The following RFX2 variants were observed in gnomAD, a reference collection of about 807,000 sequenced individuals.
RFX2 encodes DNA-binding protein RFX2.
A neutral mutation model predicts 87.8 loss-of-function variants in RFX2; 20 were observed. The observed-to-expected ratio is 0.23, with a 90% CI of 0.16 to 0.33. The LOEUF is 0.33. Ranked by LOEUF, RFX2 falls within the 10% of genes least tolerant of loss-of-function variation. The probability of loss-of-function intolerance (pLI) is 1.00; values close to 1 mark genes in which losing one functional copy is unlikely to be tolerated. For missense variants in RFX2, 767 were observed against 1,012.3 expected (o/e 0.76, Z 3.29); for synonymous variants, 397 against 431.3 (o/e 0.92, Z 0.98).
chr19:6,040,760 T>TA lies in RFX2; in HGVS notation c.261-520dup, dbSNP rs755743443. 3.3e-5 allele frequency among the ~76,000 whole-genome samples: 5 copies of TA among 151,742 alleles called. No homozygotes were observed. The highest frequency in any genetic ancestry group is 6.6e-5 in the Admixed American group (1 of 15,246). ...GGCAACAGAGCAAGACCCTATCTCT[T>TA]AAAAAAAATAAATACAAATAAAACT... On this transcript the variant is annotated intron_variant, in intron 4 of 17. Coordinates refer to ENST00000303657, the MANE Select transcript of RFX2 (RefSeq NM_000635.4). This position sits in a 1 kb window ranked among gnomAD's most constrained non-coding sequence, Gnocchi z 6.1.
intron 4 of RFX2, 147 bp downstream of exon 4, chr19:6,041,897 C>T (rs1159210105): frequency 2.8e-6 from 2 of 717,674 alleles, no homozygotes; most frequent in South Asian, 3.1e-5. Context: ...AGAGATATTG[C>T]CCAGTTTCCT....
rs182409294 is a variant in RFX2, at chr19:6,023,612, C to T, written c.597+2551G>A. 8.5e-5 allele frequency among the ~76,000 whole-genome samples: 13 copies of T among 152,240 alleles called. No individual in the cohort carries two copies. In the East Asian group the frequency reaches 1.7e-3, roughly 20 times the overall value. ...ATGACAGAAGGAAACAACTCAACAG[C>T]GAATCATCAGTGAGTAAAAGAAACG... On this transcript the variant is annotated intron_variant, in intron 6 of 17. Coordinates refer to ENST00000303657, the MANE Select transcript of RFX2 (RefSeq NM_000635.4). The surrounding 1 kb of genome is among the most constrained non-coding windows in gnomAD (Gnocchi z 4.9).
At position 5,994,732 on chromosome 19, in the gene RFX2, C is replaced by G. The variant is rs776407216; in HGVS notation, c.*103G>C. The stretch of plus-strand genomic sequence containing the variant: ...CCCGCTTGAGTCAAAGTAAACATCA[C>G]ATCATCTAAGAGGCACTAATTTGGT... On this transcript the variant is annotated 3_prime_UTR_variant, in exon 18 of 18. Transcript: ENST00000303657. 4 of 730,616 alleles carry G rather than the reference C, an allele frequency of 5.5e-6. No individual in the cohort carries two copies. Among genetic ancestry groups the G allele is most frequent in the Non-Finnish European group, 9.2e-6 (4 of 433,066 alleles). 45.3% of individuals were successfully genotyped at this position (730,616 alleles called of 1,614,324 possible).
Position 5,995,661 on chromosome 19 carries a change from A to G in RFX2, c.2014-18T>C. 1.3e-6 allele frequency: 2 copies of G among 1,551,730 alleles called. No individual in the cohort carries two copies. Among genetic ancestry groups the G allele is most frequent in the Non-Finnish European group, 1.7e-6 (2 of 1,147,148 alleles). ...TCGTTGAACTGAAAGAGAAACCTGG[A>G]GTCAGGGGCGCCTGCAGAGGGGCGG... On this transcript the variant is annotated intron_variant, in intron 16 of 17. Coordinates refer to ENST00000303657, the MANE Select transcript of RFX2 (RefSeq NM_000635.4).
At chr19:6,091,439 C>A (rs1303023603) in intron 1 of RFX2, among the ~76,000 whole-genome samples, 3 of 149,994 alleles carry the variant, frequency 2.0e-5, no homozygotes, top group Admixed American at 6.6e-5. Context: ...CAGAGCAAGA[C>A]CCTATCTTCA....
In RFX2 at chr19:6,001,285, T is replaced by G. The variant is rs935254366; in HGVS notation, c.1859+530A>C. Among the ~76,000 whole-genome samples, 3 of 152,166 alleles carry G rather than the reference T, an allele frequency of 2.0e-5. No individual in the cohort carries two copies. The highest frequency in any genetic ancestry group is 7.2e-5 in the African/African-American group (3 of 41,432). ...GATAGCTTTGTTCCCCCCTTAGAGA[T>G]GGGGTCTTGCTCTGTCACTCAGGCT... On this transcript the variant is annotated intron_variant, in intron 15 of 17. Coordinates refer to ENST00000303657, the MANE Select transcript of RFX2 (RefSeq NM_000635.4). This position sits in a 1 kb window ranked among gnomAD's most constrained non-coding sequence, Gnocchi z 5.6.
Position 6,016,387 on chromosome 19 carries a change from A to C in RFX2, c.598-116T>G. Reference sequence around the variant, plus strand: ...CCTGTGTTACCAAATGGGATGAGGAAATCCATCTTTTCTTTCTTTTTGAGG... The same window carrying C: ...CCTGTGTTACCAAATGGGATGAGGACATCCATCTTTTCTTTCTTTTTGAGG... On this transcript the variant is annotated intron_variant, in intron 6 of 17. Transcript: ENST00000303657. This position sits in a 1 kb window ranked among gnomAD's most constrained non-coding sequence, Gnocchi z 5.4. 1 of 656,016 alleles carries C rather than the reference A, an allele frequency of 1.5e-6. No homozygotes were observed. The highest frequency in any genetic ancestry group is 2.4e-6 in the Non-Finnish European group (1 of 410,598). 40.6% of individuals were successfully genotyped at this position (656,016 alleles called of 1,614,324 possible). A position where few individuals can be genotyped will look rare whatever the true frequency, so the allele number is the denominator to read the frequency against.
chr19:6,019,269 C>T lies in RFX2; in HGVS notation c.598-2998G>A, dbSNP rs570701145. Among the ~76,000 whole-genome samples the T allele has an allele frequency of 3.3e-5, 5 of 152,262 alleles. No individual in the cohort carries two copies. The South Asian group carries it at 1.0e-3, about 32-fold the overall frequency. ...GACTTCATCTCTTCCTCACTTGCCT[C>T]TTTGGGAAAAGGGACATCAGAGTTT... is the stretch of plus-strand genomic sequence containing the variant. On this transcript the variant is annotated intron_variant, in intron 6 of 17. Transcript: ENST00000303657.
At chr19:6,079,879 T>C (rs909038678) in intron 1 of RFX2, among the ~76,000 whole-genome samples, 13 of 124,750 alleles carry the variant, frequency 1.0e-4, no homozygotes, top group African/African-American at 5.1e-4. Context: ...AGCAAGACTC[T>C]GTCTCAAAAA....
At chr19:6,034,822 C>G (rs940798251) in intron 5 of RFX2, among the ~76,000 whole-genome samples, 1 of 152,208 alleles carries the variant, frequency 6.6e-6, no homozygotes, top group East Asian at 1.9e-4. Context: ...TGAACCTTTT[C>G]TAGTTCTGAG....
chr19:6,107,695 C>T (rs567890378), intron 1 of RFX2, among the ~76,000 whole-genome samples: 1 of 147,072 alleles, frequency 6.8e-6, no homozygotes, highest in Non-Finnish European at 1.5e-5. Context: ...AAAGTTAAGC[C>T]AATTTAATAT....
At position 6,023,785 on chromosome 19, in the gene RFX2, CT is replaced by C. The variant is rs113455825; in HGVS notation, c.597+2377del. Reference sequence around the variant, plus strand: ...ATGCATTTTCCCATAGACATTTTTTCTTTTTTTTTTTTGAGATGGAGTCTCG... The same window carrying C: ...ATGCATTTTCCCATAGACATTTTTTCTTTTTTTTTTTGAGATGGAGTCTCG... On this transcript the variant is annotated intron_variant, in intron 6 of 17. Transcript: ENST00000303657. This position sits in a 1 kb window ranked among gnomAD's most constrained non-coding sequence, Gnocchi z 4.9. Among the ~76,000 whole-genome samples, 145 of 145,316 alleles carry C rather than the reference CT, an allele frequency of 1.0e-3. No homozygotes were observed. The highest frequency in any genetic ancestry group is 1.1e-3 in the Admixed American group (16 of 14,526).
At chr19:6,102,958 T>G (rs1746450066) in intron 1 of RFX2, among the ~76,000 whole-genome samples, 1 of 152,094 alleles carries the variant, frequency 6.6e-6, no homozygotes, top group Non-Finnish European at 1.5e-5. Context: ...AGAGCGAGAC[T>G]TCATCTCGTT....
chr19:6,084,526 C>T (rs761708423), intron 1 of RFX2, among the ~76,000 whole-genome samples: 1 of 152,202 alleles, frequency 6.6e-6, no homozygotes, highest in Non-Finnish European at 1.5e-5. Flanking sequence ...CTCCCTACCC[C>T]CTCCCCAGCC....
Position 6,025,879 on chromosome 19 carries a change from G to A in RFX2, c.597+284C>T, listed in dbSNP as rs180900764. Among the ~76,000 whole-genome samples, 598 of 148,510 alleles carry A rather than the reference G, an allele frequency of 4.0e-3. 4 individuals are homozygous for A. The highest frequency in any genetic ancestry group is 0.014 in the African/African-American group (560 of 40,002). ...CGGCTCACTGCAACCTCTGCCTCCC[G>A]GGTTCAAGCGATTCTCCTGCCTCAG... On this transcript the variant is annotated intron_variant, in intron 6 of 17. Coordinates refer to ENST00000303657, the MANE Select transcript of RFX2 (RefSeq NM_000635.4).
chr19:6,043,089 T>G (rs1184458959), intron 3 of RFX2, among the ~76,000 whole-genome samples: 1 of 152,134 alleles, frequency 6.6e-6, no homozygotes, highest in Admixed American at 6.5e-5. Flanking sequence ...GGGGTTAACA[T>G]CTGTTGGGTG....
At chr19:6,079,786 C>T (rs958270237) in intron 1 of RFX2, among the ~76,000 whole-genome samples, 4 of 150,758 alleles carry the variant, frequency 2.7e-5, no homozygotes, top group African/African-American at 7.3e-5. Context: ...CTTGGGAGGC[C>T]GATGCAGGAA....
chr19:6,093,292 T>C (rs1413711125), intron 1 of RFX2, among the ~76,000 whole-genome samples: 1 of 152,162 alleles, frequency 6.6e-6, no homozygotes, highest in African/African-American at 2.4e-5. Flanking sequence ...CCTAGCACTT[T>C]GAGAGGTTGA....
At position 6,001,776 on chromosome 19, in the gene RFX2, C is replaced by A; in HGVS notation, c.1859+39G>T. ...TCTAGAAGTTTCTCTCAGAGCCCCC[C>A]ACCCGCCAGAATTCTCTCGGAGGTC... On this transcript the variant is annotated intron_variant, in intron 15 of 17. Coordinates refer to ENST00000303657, the MANE Select transcript of RFX2 (RefSeq NM_000635.4). The surrounding 1 kb of genome is among the most constrained non-coding windows in gnomAD (Gnocchi z 5.6). 1 of 1,535,010 alleles carries A rather than the reference C, an allele frequency of 6.5e-7. No individual in the cohort carries two copies. The highest frequency in any genetic ancestry group is 1.2e-5 in the South Asian group (1 of 82,924).
Sources: allele counts gnomAD v4.1 joint callset (sites outside exome capture counted in the v4.1 genomes callset), GRCh38; gene constraint gnomAD v4.1.1; non-coding constraint Gnocchi (gnomAD v3.1); transcripts MANE v1.5; gene names NCBI Gene and HGNC (gene_info 2026-07-23, HGNC 2026-07-21).